PARD6G: variants seen among roughly 807,000 people sequenced by gnomAD.
PARD6G encodes the protein partitioning defective 6 homolog gamma.
A neutral mutation model predicts 10.7 loss-of-function variants in PARD6G; 7 were observed. The ratio of observed to expected loss-of-function variants is 0.66; its 90% confidence interval spans 0.37 to 1.23. PARD6G has a LOEUF of 1.23. Among genes scored for constraint, PARD6G ranks in the 50% most tolerant of loss-of-function variants. The pLI is 0.02. For synonymous variants in PARD6G, 287 were observed against 269.4 expected (o/e 1.07, Z -0.64); for missense variants, 548 against 571.8 (o/e 0.96, Z 0.42).
chr18:80,221,317 A>G (rs1967226107), intron 1 of PARD6G, among the ~76,000 whole-genome samples: 1 of 152,216 alleles, frequency 6.6e-6, no homozygotes, highest in Admixed American at 6.5e-5. Context: ...CCTCAAGAGA[A>G]TACTAGCACA....
intron 2 of PARD6G, among the ~76,000 whole-genome samples, chr18:80,176,319 A>T (rs2052807571): frequency 6.6e-6 from 1 of 152,232 alleles, no homozygotes; most frequent in South Asian, 2.1e-4. Context: ...CAACCCACTA[A>T]GAAAAGACTG....
At chr18:80,203,917 T>C (rs1193921426) in intron 1 of PARD6G, among the ~76,000 whole-genome samples, 1 of 152,170 alleles carries the variant, frequency 6.6e-6, no homozygotes, top group African/African-American at 2.4e-5. Flanking sequence ...GGTCTGGTCT[T>C]TTTCCTAAAG....
At chr18:80,173,322 T>A (rs1442266367) in intron 2 of PARD6G, among the ~76,000 whole-genome samples, 2 of 152,046 alleles carry the variant, frequency 1.3e-5, no homozygotes, top group Admixed American at 1.3e-4. Context: ...CAACCCAACC[T>A]GCTTGGAAAG....
At chr18:80,204,698 C>T (rs1967039301) in intron 1 of PARD6G, among the ~76,000 whole-genome samples, 1 of 152,040 alleles carries the variant, frequency 6.6e-6, no homozygotes, top group East Asian at 1.9e-4. Context: ...CCTGTAATCC[C>T]AGCAGTTTGG....
intron 2 of PARD6G, chr18:80,202,479 T>C (rs1187089780): frequency 4.4e-6 from 2 of 456,456 alleles, no homozygotes; most frequent in Non-Finnish European, 4.0e-6. Context: ...GAAGTATCAA[T>C]ATTATTCTTT....
At chr18:80,195,548 C>T (rs867753169) in intron 2 of PARD6G, among the ~76,000 whole-genome samples, 27 of 82,210 alleles carry the variant, frequency 3.3e-4, no homozygotes, top group Middle Eastern at 0.013. Flanking sequence ...TTCAAAGATA[C>T]ATATATATAT....
intron 1 of PARD6G, among the ~76,000 whole-genome samples, chr18:80,205,469 G>C (rs1369508917): frequency 1.3e-5 from 2 of 152,164 alleles, no homozygotes; most frequent in African/African-American, 4.8e-5. Flanking sequence ...GTTGGAGGAG[G>C]GGCCTGGTGG....
rs1190089931 is a variant in PARD6G at position 80,188,658 on chromosome 18, G to A, written c.295+14052C>T. Among the ~76,000 whole-genome samples, 1 of 152,180 alleles carries A rather than the reference G, an allele frequency of 6.6e-6. No individual in the cohort carries two copies. Among genetic ancestry groups the A allele is most frequent in the Non-Finnish European group, 1.5e-5 (1 of 68,016 alleles). On this transcript the variant is annotated intron_variant, in intron 2 of 2. Transcript: ENST00000353265. This position sits in a 1 kb window ranked among gnomAD's most constrained non-coding sequence, Gnocchi z 5.4. ...GTTTTTATGATGAAGGAAAAAGAAA[G>A]GAAACATGGGCCCCTAATTTCCCAC...
Position 80,201,075 on chromosome 18 carries a change from G to A in PARD6G, c.295+1635C>T, listed in dbSNP as rs1967003103. On this transcript the variant is annotated intron_variant, in intron 2 of 2. Coordinates refer to ENST00000353265, the MANE Select transcript of PARD6G (RefSeq NM_032510.4). This position sits in a 1 kb window ranked among gnomAD's most constrained non-coding sequence, Gnocchi z 5.9. ...CCTGGGATGGCAGGGGCACAGCCAGGAACACACCCCCACCCTACGCTCCTG... is the reference window on the plus strand; with the variant it reads ...CCTGGGATGGCAGGGGCACAGCCAGAAACACACCCCCACCCTACGCTCCTG... Among the ~76,000 whole-genome samples, 1 of 152,098 alleles carries A rather than the reference G, an allele frequency of 6.6e-6. No homozygotes were observed. Among genetic ancestry groups the A allele is most frequent in the South Asian group, 2.1e-4 (1 of 4,830 alleles).
intron 1 of PARD6G, among the ~76,000 whole-genome samples, chr18:80,207,917 G>C (rs933122884): frequency 7.2e-5 from 11 of 152,120 alleles, no homozygotes; most frequent in African/African-American, 2.7e-4. Context: ...AGAAATCAAA[G>C]AGAAAAAGAA....
chr18:80,215,126 T>G (rs924891289), intron 1 of PARD6G, among the ~76,000 whole-genome samples: 2 of 152,180 alleles, frequency 1.3e-5, no homozygotes, highest in East Asian at 3.9e-4. Flanking sequence ...TAAGCTATCC[T>G]TCCAAAAATG....
intron 1 of PARD6G, among the ~76,000 whole-genome samples, chr18:80,234,519 C>A (rs1967397096): frequency 6.6e-6 from 1 of 152,164 alleles, no homozygotes; most frequent in African/African-American, 2.4e-5. Flanking sequence ...GGGTCACAGT[C>A]TCTGTGTACA....
rs920237173 is a variant in PARD6G, at chr18:80,160,014, A to C, written c.888T>G (p.Asp296Glu). ...CCTCGATGACGACGTCGTTGTCCTC[A>C]TCGCTCTCCGCCTCGTCGGGGTGGA... ...QNFHPDEAESDEDNDVVIEGT... is the reference protein window; with the variant it reads ...QNFHPDEAESEEDNDVVIEGT... The change falls in exon 3 of 3, where the codon GAT becomes GAG. Residue 296 changes from aspartate to glutamate, a missense_variant. Transcript: ENST00000353265. The C allele has an allele frequency of 2.0e-6, 3 of 1,531,038 alleles. No homozygotes were observed. The highest frequency in any genetic ancestry group is 1.7e-6 in the Non-Finnish European group (2 of 1,145,844). 94.8% of individuals were successfully genotyped at this position (1,531,038 alleles called of 1,614,324 possible).
At chr18:80,173,484 G>A (rs1013074038) in intron 2 of PARD6G, among the ~76,000 whole-genome samples, 1 of 152,108 alleles carries the variant, frequency 6.6e-6, no homozygotes, top group African/African-American at 2.4e-5. Context: ...AATTAGCCAG[G>A]CATGGTGGCG....
chr18:80,222,686 T>C (rs1012776919), intron 1 of PARD6G, among the ~76,000 whole-genome samples: 1 of 152,188 alleles, frequency 6.6e-6, no homozygotes, highest in Admixed American at 6.5e-5. Context: ...TATTTATTCA[T>C]TTTTTAAGAC....
At chr18:80,187,857 C>T (rs2052888577) in intron 2 of PARD6G, 1 of 152,232 alleles carries the variant, frequency 6.6e-6, no homozygotes, top group Non-Finnish European at 1.5e-5. Flanking sequence ...GATGCCCAGG[C>T]TACGTGGAGT....
chr18:80,247,498 G>A lies in PARD6G; in HGVS notation c.-150C>T. 1 of 268,106 alleles carries A rather than the reference G, an allele frequency of 3.7e-6. No individual in the cohort carries two copies. Among genetic ancestry groups the A allele is most frequent in the Non-Finnish European group, 5.8e-6 (1 of 172,656 alleles). 16.6% of individuals were successfully genotyped at this position (268,106 alleles called of 1,614,324 possible). The stretch of plus-strand genomic sequence containing the variant: ...CTCCCGGTGCTGCGGGCCCGAGCTG[G>A]GCTGGCCGCGCGCCTCAGGGACTCC... On this transcript the variant is annotated 5_prime_UTR_variant, in exon 1 of 3. Coordinates refer to ENST00000353265, the MANE Select transcript of PARD6G (RefSeq NM_032510.4). This position sits in a 1 kb window ranked among gnomAD's most constrained non-coding sequence, Gnocchi z 4.2.
At chr18:80,229,098 C>T (rs908764490) in intron 1 of PARD6G, among the ~76,000 whole-genome samples, 1 of 152,012 alleles carries the variant, frequency 6.6e-6, no homozygotes, top group African/African-American at 2.4e-5. Flanking sequence ...GCCACCACAC[C>T]CGGCTAATTT....
rs1307724915 is a variant in PARD6G, at chr18:80,181,972, G to A, written c.295+20738C>T. Among the ~76,000 whole-genome samples the A allele has an allele frequency of 6.6e-6, 1 of 152,188 alleles. No homozygotes were observed. Among genetic ancestry groups the A allele is most frequent in the East Asian group, 1.9e-4 (1 of 5,192 alleles). On this transcript the variant is annotated intron_variant, in intron 2 of 2. Coordinates refer to ENST00000353265, the MANE Select transcript of PARD6G (RefSeq NM_032510.4). The surrounding 1 kb of genome is among the most constrained non-coding windows in gnomAD (Gnocchi z 7.9). ...GTTTCCAGTGGAGAAGCCCTTTGCA[G>A]AGTTCAGAGCTCTCGCAGGCCTCGT...
Sources: gnomAD v4.1 joint callset for allele counts (sites outside exome capture counted in the v4.1 genomes callset) on GRCh38, gnomAD v4.1.1 for gene constraint, Gnocchi (gnomAD v3.1) non-coding constraint, MANE v1.5 for transcripts, NCBI Gene and HGNC (gene_info 2026-07-23, HGNC 2026-07-21) for gene names.